Variants in HSPD1 observed in about 807,000 individuals in gnomAD.
HSPD1 encodes 60 kDa heat shock protein, mitochondrial.
Under a neutral mutation model 53.0 loss-of-function variants are expected in HSPD1, and 3 were observed. The ratio of observed to expected loss-of-function variants is 0.06; its 90% CI spans 0.03 to 0.15. The LOEUF is 0.15. Ranked by LOEUF, HSPD1 falls within the 10% of genes least tolerant of loss-of-function variation. The pLI is 1.00. For synonymous variants in HSPD1, 200 were observed against 228.0 expected (o/e 0.88, Z 1.10); for missense variants, 431 against 694.1 (o/e 0.62, Z 4.26).
intron 8 of HSPD1, among the ~76,000 whole-genome samples, chr2:197,489,942 ACT>A (rs981543417): frequency 6.6e-6 from 1 of 152,088 alleles, no homozygotes; most frequent in Non-Finnish European, 1.5e-5. Context: ...AGATCAAGAC[ACT>A]GTCTCCAAAA....
chr2:197,488,265 C>G (rs1403520465), intron 10 of HSPD1, 52 bp downstream of exon 10: 19 of 1,526,426 alleles, frequency 1.2e-5, no homozygotes, highest in Non-Finnish European at 1.7e-5. Flanking sequence ...CATTATTATT[C>G]TAAGAAAAAC....
At chr2:197,494,360 G>T in intron 5 of HSPD1, 110 bp from the exon 6 acceptor site, 1 of 719,780 alleles carries the variant, frequency 1.4e-6, no homozygotes, top group Non-Finnish European at 2.5e-6. Context: ...ATGCAGGGTA[G>T]AGTATGAAAC....
chr2:197,500,176 G>A, upstream of HSPD1: 2 of 561,344 alleles, frequency 3.6e-6, no homozygotes, highest in South Asian at 2.3e-5. Flanking sequence ...TGGGCGCCTA[G>A]AAAAGCCTAG....
At chr2:197,498,897 G>T in intron 1 of HSPD1, 47 bp from the exon 2 acceptor site, 1 of 1,549,162 alleles carries the variant, frequency 6.5e-7, no homozygotes, top group Non-Finnish European at 8.9e-7. Context: ...CCCGTGGTGC[G>T]CTGCAGAACA....
At chr2:197,497,479 T>A in intron 2 of HSPD1, 87 bp from the exon 3 acceptor site, 2 of 1,309,738 alleles carry the variant, frequency 1.5e-6, no homozygotes, top group Non-Finnish European at 2.2e-6. Context: ...ATAAAGCAAC[T>A]ACTTCAAAGT....
At chr2:197,495,462 T>G in intron 3 of HSPD1, 86 bp from the exon 4 acceptor site, 1 of 988,328 alleles carries the variant, frequency 1.0e-6, no homozygotes, top group Non-Finnish European at 1.6e-6. Flanking sequence ...GTGACAAATA[T>G]TTTAATGCCT....
chr2:197,487,706 G>A, intron 11 of HSPD1, 152 bp downstream of exon 11: 2 of 682,574 alleles, frequency 2.9e-6, no homozygotes, highest in South Asian at 1.7e-5. Context: ...TGCTGGAAAT[G>A]TACATGAGAA....
intron 7 of HSPD1, among the ~76,000 whole-genome samples, chr2:197,492,213 CAG>C (rs2086102072): frequency 6.6e-6 from 1 of 152,170 alleles, no homozygotes; most frequent in African/African-American, 2.4e-5. Flanking sequence ...TATTTAGAGA[CAG>C]AGTCTCGCTT....
At chr2:197,494,315 A>G (rs1471591354) in intron 5 of HSPD1, 65 bp from the exon 6 acceptor site, 1 of 856,794 alleles carries the variant, frequency 1.2e-6, no homozygotes, top group Non-Finnish European at 2.0e-6. Context: ...ATTACAGGCC[A>G]GATTAATAAA....
chr2:197,494,487 G>T, intron 5 of HSPD1, 170 bp downstream of exon 5: 1 of 635,952 alleles, frequency 1.6e-6, no homozygotes. Context: ...ATAAAACACA[G>T]TAAGTACTTT....
In HSPD1 at chr2:197,486,968, CT is replaced by C; in HGVS notation, c.*77del. On this transcript the variant is annotated 3_prime_UTR_variant, in exon 12 of 12. Coordinates refer to ENST00000388968, the MANE Select transcript of HSPD1 (RefSeq NM_002156.5). ...TCTTCATTTTCTCCAACTGACTTCT[CT>C]GAAGTTATTGGTGAGGAACACTGCC... is the stretch of plus-strand genomic sequence containing the variant. 1 of 1,075,078 alleles carries C rather than the reference CT, an allele frequency of 9.3e-7. No individual in the cohort carries two copies. The allele number at this position is 1,075,078 out of a possible 1,614,324, so 66.6% of individuals were successfully genotyped here. A position where few individuals can be genotyped will look rare whatever the true frequency, so the allele number is the denominator to read the frequency against.
chr2:197,491,191 T>G (rs992719395), intron 7 of HSPD1, among the ~76,000 whole-genome samples: 10 of 134,172 alleles, frequency 7.5e-5, no homozygotes, highest in Non-Finnish European at 1.6e-4. Flanking sequence ...TTTTTGTGTG[T>G]TTTTTTTTTT....
chr2:197,499,145 G>A, intron 1 of HSPD1: 1 of 483,646 alleles, frequency 2.1e-6, no homozygotes, highest in Non-Finnish European at 3.8e-6. Context: ...CTTTCACCGC[G>A]AAAACGGCCT....
intron 3 of HSPD1, chr2:197,496,778 C>T (rs1478184796): frequency 1.3e-5 from 4 of 297,178 alleles, no homozygotes; most frequent in Non-Finnish European, 2.6e-5. Context: ...CAAAACTAAA[C>T]TAAAAATTAG....
chr2:197,494,664 G>A lies in HSPD1; in HGVS notation c.599C>T (p.Thr200Ile). Residue 200 changes from threonine (T) to isoleucine (I), a missense_variant, in exon 5 of 12, where the codon ACA becomes ATA. This residue lies in a region of HSPD1 where 386 missense variants were observed against 657.6 expected (regional missense o/e 0.59). Transcript: ENST00000388968. Reference sequence around the variant, plus strand: ...AAATACAAACACACTTGCCTTTACTGTGATGACACCCTTTCTTCCAACTTT... The same window carrying A: ...AAATACAAACACACTTGCCTTTACTATGATGACACCCTTTCTTCCAACTTT... ...MKKVGRKGVITVKDGKTLNDE... is the reference protein window; with the variant it reads ...MKKVGRKGVIIVKDGKTLNDE... 6.3e-7 allele frequency: 1 copy of A among 1,591,194 alleles called. No individual in the cohort carries two copies. The highest frequency in any genetic ancestry group is 8.6e-7 in the Non-Finnish European group (1 of 1,159,212).
chr2:197,495,277 A>G lies in HSPD1; in HGVS notation c.510+17T>C, dbSNP rs762283318. 1 of 1,512,086 alleles carries G rather than the reference A, an allele frequency of 6.6e-7. No homozygotes were observed. The highest frequency in any genetic ancestry group is 2.3e-5 in the East Asian group (1 of 44,354). The allele number at this position is 1,512,086 out of a possible 1,614,324, so 93.7% of individuals were successfully genotyped here. A position where few individuals can be genotyped will look rare whatever the true frequency, so the allele number is the denominator to read the frequency against. On this transcript the variant is annotated intron_variant, in intron 4 of 11. Transcript: ENST00000388968. ...TTAAATTTTTTTTAAAAAACGTGTA[A>G]CATGTTAAGTCCTTACCTGTGCAAT...
intron 7 of HSPD1, among the ~76,000 whole-genome samples, chr2:197,492,276 C>T (rs1199521398): frequency 6.6e-6 from 1 of 152,198 alleles, no homozygotes; most frequent in African/African-American, 2.4e-5. Flanking sequence ...CTGCAACTTC[C>T]GCCTCCCAGA....
At chr2:197,494,448 T>C (rs1422555432) in intron 5 of HSPD1, 198 bp from the exon 6 acceptor site, 3 of 630,676 alleles carry the variant, frequency 4.8e-6, no homozygotes, top group Non-Finnish European at 8.5e-6. Flanking sequence ...TTAGGATGGA[T>C]TCATTTCATG....
At chr2:197,494,076 A>G (rs775137022) in intron 6 of HSPD1, 81 bp downstream of exon 6, 9 of 742,882 alleles carry the variant, frequency 1.2e-5, no homozygotes, top group Non-Finnish European at 1.9e-5. Flanking sequence ...ATGCCACTGC[A>G]CTCCAGCCGG....
Sources: gnomAD v4.1 joint callset for allele counts (sites outside exome capture counted in the v4.1 genomes callset) on GRCh38, gnomAD v4.1.1 for gene constraint, gnomAD v4.1.1 regional missense constraint, MANE v1.5 for transcripts, NCBI Gene and HGNC (gene_info 2026-07-23, HGNC 2026-07-21) for gene names.